NLK: variants seen among roughly 807,000 people sequenced by gnomAD.
NLK encodes nemo like kinase.
NLK carries 11 observed loss-of-function variants against 59.0 expected under a neutral mutation model. The ratio of observed to expected loss-of-function variants is 0.19; its 90% confidence interval spans 0.12 to 0.31. The LOEUF is 0.31. Ranked by LOEUF, NLK falls within the 10% of genes least tolerant of loss-of-function variation. The pLI is 1.00. For synonymous variants in NLK, 235 were observed against 235.9 expected, an observed-to-expected ratio of 1.00 and a Z score of 0.03; for missense variants, 410 against 661.1, an observed-to-expected ratio of 0.62 and a Z score of 4.16.
At chr17:28,181,062 TG>T (rs1908883232) in intron 7 of NLK, among the ~76,000 whole-genome samples, 1 of 152,162 alleles carries the variant, frequency 6.6e-6, no homozygotes, top group South Asian at 2.1e-4. Context: ...GAGATCAGCC[TG>T]GGCAACACAG....
rs34122888 is a variant in NLK, at chr17:28,089,622, A to G, written c.459-32981A>G. Among the ~76,000 whole-genome samples, 1,298 of 152,252 alleles carry G rather than the reference A, an allele frequency of 8.5e-3. 10 individuals are homozygous for G. Among genetic ancestry groups the G allele is most frequent in the Non-Finnish European group, 0.013 (885 of 68,006 alleles). The stretch of plus-strand genomic sequence containing the variant: ...AATGGCTGGATAATAAGCTAGGTGT[A>G]TGCATAATTTTTTTAAGTTAAATTG... On this transcript the variant is annotated intron_variant, in intron 1 of 10. Coordinates refer to ENST00000407008, the MANE Select transcript of NLK (RefSeq NM_016231.5).
chr17:28,112,712 G>A lies in NLK; in HGVS notation c.459-9891G>A, dbSNP rs779216468. Among the ~76,000 whole-genome samples, 6 of 152,080 alleles carry A rather than the reference G, an allele frequency of 3.9e-5. No homozygotes were observed. In the South Asian group the frequency reaches 6.2e-4, roughly 16 times the overall value. On this transcript the variant is annotated intron_variant, in intron 1 of 10. Coordinates refer to ENST00000407008, the MANE Select transcript of NLK (RefSeq NM_016231.5). ...TTAACAGGCTAATTGAAAACCTGAA[G>A]CACATCTATATATTGTAGCTGCTTC...
At chr17:28,073,973 A>G (rs1910092694) in intron 1 of NLK, among the ~76,000 whole-genome samples, 1 of 152,252 alleles carries the variant, frequency 6.6e-6, no homozygotes, top group South Asian at 2.1e-4. Context: ...CAACTCTTGA[A>G]ATTTTAAGCT....
chr17:28,077,073 C>CTTTTTTTTTTTTTTTTTTTTTTTTTTTCT (rs35639099), intron 1 of NLK, among the ~76,000 whole-genome samples: 3 of 42,488 alleles, frequency 7.1e-5, no homozygotes, highest in Non-Finnish European at 1.3e-4. Flanking sequence ...CTCTTTCTTT[C>CTTTTTTTTTTTTTTTTTTTTTTTTTTTCT]TTTTTTTTTT....
At chr17:28,166,595 C>G (rs890405172) in intron 5 of NLK, among the ~76,000 whole-genome samples, 6 of 152,158 alleles carry the variant, frequency 3.9e-5, no homozygotes, top group Non-Finnish European at 7.3e-5. Context: ...TAAAGTTAAT[C>G]AGTGAGAACA....
At chr17:28,103,749 A>G (rs927326511) in intron 1 of NLK, among the ~76,000 whole-genome samples, 2 of 152,216 alleles carry the variant, frequency 1.3e-5, no homozygotes, top group African/African-American at 4.8e-5. Context: ...TTGAAAACGT[A>G]AGAGATAGTG....
rs1193499577 is a variant in NLK at position 28,042,922 on chromosome 17, A to G, written c.49A>G (p.Asn17Asp). ...RANAKMMAAY[N>D]GGTSAAAAGH... Reference sequence around the variant, plus strand: ...CAACGCAAAAATGATGGCGGCTTACAATGGCGGTACATCTGCAGCAGCAGC... The same window carrying G: ...CAACGCAAAAATGATGGCGGCTTACGATGGCGGTACATCTGCAGCAGCAGC... Residue 17 changes from asparagine (N) to aspartate (D), a missense_variant, in exon 1 of 11, where the codon AAT becomes GAT. By Grantham distance (23) the Asn-to-Asp change is conservative. Transcript: ENST00000407008. 6.5e-7 allele frequency: 1 copy of G among 1,541,716 alleles called. No individual in the cohort carries two copies. Among genetic ancestry groups the G allele is most frequent in the East Asian group, 2.4e-5 (1 of 40,842 alleles).
At chr17:28,111,913 G>C (rs948277562) in intron 1 of NLK, among the ~76,000 whole-genome samples, 1 of 144,938 alleles carries the variant, frequency 6.9e-6, no homozygotes, top group African/African-American at 2.6e-5. Flanking sequence ...GTGTGTGTGT[G>C]TGTGTGTGTG....
chr17:28,163,776 A>G (rs1249514290), intron 5 of NLK, 148 bp downstream of exon 5: 1 of 576,786 alleles, frequency 1.7e-6, no homozygotes, highest in Non-Finnish European at 3.1e-6. Flanking sequence ...ACTCATAGCC[A>G]TGGTAATAAT....
intron 2 of NLK, among the ~76,000 whole-genome samples, chr17:28,126,560 T>C (rs1906297655): frequency 6.6e-6 from 1 of 152,186 alleles, no homozygotes; most frequent in East Asian, 1.9e-4. Flanking sequence ...TGGATTTTAA[T>C]TTGGATGGCT....
chr17:28,187,493 G>T (rs764186230), intron 8 of NLK, among the ~76,000 whole-genome samples: 26 of 152,076 alleles, frequency 1.7e-4, no homozygotes, highest in Non-Finnish European at 3.5e-4. Context: ...GTAGAGATGG[G>T]GTTTCACCAT....
At chr17:28,116,358 C>A in intron 1 of NLK, 1 of 197,650 alleles carries the variant, frequency 5.1e-6, no homozygotes, top group South Asian at 1.0e-4. Context: ...GAGTGAGAAC[C>A]CCGGCCGAAT....
intron 7 of NLK, among the ~76,000 whole-genome samples, chr17:28,173,848 C>A (rs1908566856): frequency 6.6e-6 from 1 of 152,212 alleles, no homozygotes; most frequent in Admixed American, 6.5e-5. Context: ...AATAATTGTC[C>A]TCTTTCACTG....
chr17:28,096,148 T>C (rs966597283), intron 1 of NLK, among the ~76,000 whole-genome samples: 2 of 152,198 alleles, frequency 1.3e-5, no homozygotes, highest in African/African-American at 2.4e-5. Context: ...TTTGAAAACG[T>C]TGAAAAATAA....
At chr17:28,111,895 T>TGTGTGTGG (rs1905516817) in intron 1 of NLK, among the ~76,000 whole-genome samples, 1 of 65,462 alleles carries the variant, frequency 1.5e-5, no homozygotes, top group African/African-American at 6.5e-5. Flanking sequence ...TGTGTGTGTG[T>TGTGTGTGG]GGTGTGTGTG....
chr17:28,047,481 G>A (rs143928052), intron 1 of NLK, among the ~76,000 whole-genome samples: 1 of 152,310 alleles, frequency 6.6e-6, no homozygotes, highest in African/African-American at 2.4e-5. Context: ...CTTTGTAGGT[G>A]TTTTAGTCAG....
chr17:28,173,441 AG>A (rs1329476551), intron 7 of NLK, among the ~76,000 whole-genome samples: 2 of 149,166 alleles, frequency 1.3e-5, no homozygotes, highest in African/African-American at 4.9e-5. Flanking sequence ...ACATTTGCAA[AG>A]GGAAGGTGGC....
the NLK span, among the ~76,000 whole-genome samples, chr17:28,202,887 T>C: frequency 6.6e-6 from 1 of 151,696 alleles, no homozygotes; most frequent in African/African-American, 2.4e-5. Context: ...TTTCGCCATG[T>C]TGGCCAGGCT....
intron 8 of NLK, among the ~76,000 whole-genome samples, chr17:28,186,618 A>C (rs1005088346): frequency 6.6e-6 from 1 of 150,490 alleles, no homozygotes; most frequent in African/African-American, 2.5e-5. Flanking sequence ...GGAGCAAGTC[A>C]TGTCTATATG....
Sources: gnomAD v4.1 joint callset for allele counts (sites outside exome capture counted in the v4.1 genomes callset) on GRCh38, gnomAD v4.1.1 for gene constraint, MANE v1.5 for transcripts, NCBI Gene and HGNC (gene_info 2026-07-23, HGNC 2026-07-21) for gene names.